The following MEIS1 variants were observed in gnomAD, a reference collection of about 807,000 sequenced individuals.
MEIS1 encodes homeobox protein Meis1.
Under a neutral mutation model 50.8 loss-of-function variants are expected in MEIS1, and 5 were observed. That is an observed-to-expected ratio of 0.10 (90% CI 0.05 to 0.21). The LOEUF is 0.21. Among genes scored for constraint, MEIS1 ranks in the 10% least tolerant of loss-of-function variants. The pLI is 1.00. For synonymous variants in MEIS1, 176 were observed against 179.3 expected (o/e 0.98, Z 0.15); for missense variants, 318 against 517.3 (o/e 0.61, Z 3.74).
At chr2:66,444,479 T>C (rs891639081) in intron 6 of MEIS1, among the ~76,000 whole-genome samples, 5 of 152,194 alleles carry the variant, frequency 3.3e-5, no homozygotes, top group African/African-American at 9.7e-5. Context: ...CTTTTGCCCA[T>C]GGGGAGCGAG....
At chr2:66,452,608 T>A (rs1021754750) in intron 6 of MEIS1, among the ~76,000 whole-genome samples, 1 of 151,944 alleles carries the variant, frequency 6.6e-6, no homozygotes, top group Non-Finnish European at 1.5e-5. Context: ...GAATTTTACA[T>A]TTGGAATTGA....
At chr2:66,527,929 G>A (rs939045192) in intron 8 of MEIS1, among the ~76,000 whole-genome samples, 12 of 152,056 alleles carry the variant, frequency 7.9e-5, no homozygotes, top group African/African-American at 2.7e-4. Flanking sequence ...TATGTACAAG[G>A]AACCATATAC....
chr2:66,519,642 C>T (rs1429215417), intron 8 of MEIS1, among the ~76,000 whole-genome samples: 1 of 152,162 alleles, frequency 6.6e-6, no homozygotes, highest in East Asian at 1.9e-4. Flanking sequence ...AAAACGCCTT[C>T]ACTCAGCAAA....
Position 66,571,364 on chromosome 2 carries a change from G to GC in MEIS1, c.*162dup, listed in dbSNP as rs1675484009. 1.2e-6 allele frequency: 2 copies of GC among 1,601,572 alleles called. No individual in the cohort carries two copies. Among genetic ancestry groups the GC allele is most frequent in the African/African-American group, 1.3e-5 (1 of 74,648 alleles). On this transcript the variant is annotated 3_prime_UTR_variant, in exon 13 of 13. Transcript: ENST00000272369. ...CCCATCCTGCTCAGCTGCGTCATGGGCCCCCCATGCATACGTACATTCCTG... is the reference window on the plus strand; with the variant it reads ...CCCATCCTGCTCAGCTGCGTCATGGGCCCCCCCATGCATACGTACATTCCTG...
intron 7 of MEIS1, among the ~76,000 whole-genome samples, chr2:66,506,930 G>C (rs1370309627): frequency 6.6e-6 from 1 of 152,148 alleles, no homozygotes; most frequent in East Asian, 1.9e-4. Flanking sequence ...TTTCCATATT[G>C]ATGGGGTGTT....
At chr2:66,555,523 A>C (rs553571733) in intron 9 of MEIS1, among the ~76,000 whole-genome samples, 72 of 152,312 alleles carry the variant, frequency 4.7e-4, no homozygotes, top group African/African-American at 1.7e-3. Context: ...TAAGAGGGGC[A>C]TTGAAGCTTT....
At chr2:66,447,537 T>C (rs1276422876) in intron 6 of MEIS1, among the ~76,000 whole-genome samples, 1 of 152,236 alleles carries the variant, frequency 6.6e-6, no homozygotes, top group Non-Finnish European at 1.5e-5. Flanking sequence ...AATTGGGATG[T>C]TCATTCTAGG....
intron 3 of MEIS1, 153 bp from the exon 4 acceptor site, chr2:66,440,409 G>T: frequency 2.9e-6 from 2 of 692,580 alleles, no homozygotes; most frequent in Admixed American, 2.4e-5. Flanking sequence ...TTCTGCGCGG[G>T]ACGAACTCGG....
chr2:66,469,441 G>T (rs1558529803), intron 7 of MEIS1, among the ~76,000 whole-genome samples: 1 of 152,148 alleles, frequency 6.6e-6, no homozygotes, highest in African/African-American at 2.4e-5. Flanking sequence ...CTGAGAGGGG[G>T]TGGGGAGCAC....
intron 7 of MEIS1, among the ~76,000 whole-genome samples, chr2:66,502,620 G>C (rs1267264454): frequency 6.6e-6 from 1 of 152,112 alleles, no homozygotes; most frequent in Non-Finnish European, 1.5e-5. Flanking sequence ...AGACGAAGAG[G>C]GTCAGTTCAG....
At chr2:66,452,607 A>T (rs1254503351) in intron 6 of MEIS1, among the ~76,000 whole-genome samples, 2 of 151,964 alleles carry the variant, frequency 1.3e-5, no homozygotes, top group Non-Finnish European at 2.9e-5. Context: ...GGAATTTTAC[A>T]TTTGGAATTG....
At chr2:66,525,401 G>T (rs1252263241) in intron 8 of MEIS1, among the ~76,000 whole-genome samples, 1 of 152,188 alleles carries the variant, frequency 6.6e-6, no homozygotes, top group African/African-American at 2.4e-5. Flanking sequence ...ACTGCAGCTT[G>T]CATAGAAAGG....
rs1237266920 is a variant in MEIS1, at chr2:66,570,026, CT to C, written c.*37+882del. 2.6e-5 allele frequency: 4 copies of C among 152,218 alleles called. No individual in the cohort carries two copies. The East Asian group carries it at 7.7e-4, about 29-fold the overall frequency. 9.4% of individuals were successfully genotyped at this position (152,218 alleles called of 1,614,324 possible). ...CTCTTGTTCACTTCCTAAATTACCC[CT>C]AATAGCACTGTTCTTGCTTTGTTTT... On this transcript the variant is annotated intron_variant, in intron 12 of 12. Transcript: ENST00000272369.
At position 66,440,170 on chromosome 2, in the gene MEIS1, G is replaced by C. The variant is rs563158019; in HGVS notation, c.381+186G>C. Reference sequence around the variant, plus strand: ...ACCTCCAACCTCAGATTTTCTCTCTGTCTGAGTGTCTGTTTGCAGATAACT... The same window carrying C: ...ACCTCCAACCTCAGATTTTCTCTCTCTCTGAGTGTCTGTTTGCAGATAACT... On this transcript the variant is annotated intron_variant, in intron 3 of 12. Coordinates refer to ENST00000272369, the MANE Select transcript of MEIS1 (RefSeq NM_002398.3). The C allele has an allele frequency of 1.4e-4, 89 of 639,436 alleles. No individual in the cohort carries two copies. In the African/African-American group the frequency reaches 1.4e-3, roughly 10 times the overall value. The allele number at this position is 639,436 out of a possible 1,614,324, so 39.6% of individuals were successfully genotyped here. A position where few individuals can be genotyped will look rare whatever the true frequency, so the allele number is the denominator to read the frequency against.
chr2:66,482,652 A>G (rs146259440), intron 7 of MEIS1, among the ~76,000 whole-genome samples: 72 of 152,330 alleles, frequency 4.7e-4, no homozygotes, highest in African/African-American at 1.7e-3. Context: ...ACCCTTCTGT[A>G]TAGAGGGCAT....
intron 6 of MEIS1, among the ~76,000 whole-genome samples, chr2:66,451,223 T>G (rs1672269671): frequency 1.3e-5 from 2 of 152,136 alleles, no homozygotes; most frequent in African/African-American, 4.8e-5. Flanking sequence ...GTGTTCTTCC[T>G]CTAAAAGCCT....
At chr2:66,507,152 A>G (rs1673703054) in intron 7 of MEIS1, among the ~76,000 whole-genome samples, 1 of 152,248 alleles carries the variant, frequency 6.6e-6, no homozygotes, top group East Asian at 1.9e-4. Context: ...CTATACATTC[A>G]TAAGCATACT....
At chr2:66,469,474 G>C (rs1270191563) in intron 7 of MEIS1, among the ~76,000 whole-genome samples, 1 of 152,120 alleles carries the variant, frequency 6.6e-6, no homozygotes, top group Non-Finnish European at 1.5e-5. Context: ...GTGGGGAAGG[G>C]CCACATTATG....
At chr2:66,486,853 T>G (rs999945630) in intron 7 of MEIS1, among the ~76,000 whole-genome samples, 6 of 152,218 alleles carry the variant, frequency 3.9e-5, no homozygotes, top group African/African-American at 1.4e-4. Context: ...TTTATTCTTT[T>G]TGTAGCAGTT....
Sources: allele counts gnomAD v4.1 joint callset (sites outside exome capture counted in the v4.1 genomes callset), GRCh38; gene constraint gnomAD v4.1.1; transcripts MANE v1.5; gene names NCBI Gene and HGNC (gene_info 2026-07-23, HGNC 2026-07-21).